The following DLGAP2 variants were observed in gnomAD, a reference collection of about 807,000 sequenced individuals.
The protein encoded by DLGAP2 is DLG associated protein 2.
In DLGAP2, 26 loss-of-function variants were observed where a neutral mutation model predicts 100.3. The observed-to-expected ratio is 0.26, with a 90% CI of 0.19 to 0.36. DLGAP2 has a LOEUF of 0.36. DLGAP2 is among the 10% of genes least tolerant of loss of function. The pLI is 1.00. For missense variants in DLGAP2, 1,858 were observed against 1,453.2 expected (o/e 1.28, Z -4.53); for synonymous variants, 886 against 630.1 (o/e 1.41, Z -6.08).
At chr8:1,666,353 C>G (rs1350527812) in intron 8 of DLGAP2, among the ~76,000 whole-genome samples, 1 of 152,210 alleles carries the variant, frequency 6.6e-6, no homozygotes, top group Non-Finnish European at 1.5e-5. Flanking sequence ...TTCAGATTCT[C>G]TTTCCAATGC....
chr8:1,017,623 GTGTGTGTGACCGGGACAGATGACA>G (rs1801502360), intron 2 of DLGAP2, among the ~76,000 whole-genome samples: 1 of 143,990 alleles, frequency 6.9e-6, no homozygotes, highest in African/African-American at 2.5e-5. Context: ...CGCCTCCACT[GTGTGTGTGACCGGGACAGATGACA>G]CCTCCACTGT....
chr8:1,164,019 G>T (rs1173560355), intron 2 of DLGAP2, among the ~76,000 whole-genome samples: 1 of 152,188 alleles, frequency 6.6e-6, no homozygotes, highest in African/African-American at 2.4e-5. Flanking sequence ...TAGACGAGAC[G>T]CTTTCCTTCA....
At chr8:1,005,710 G>A (rs558257974) in intron 2 of DLGAP2, among the ~76,000 whole-genome samples, 45 of 151,922 alleles carry the variant, frequency 3.0e-4, no homozygotes, top group South Asian at 1.5e-3. Context: ...ATGAGCCACC[G>A]CTCCTAGCCC....
In DLGAP2 at chr8:1,464,319, G is replaced by T. The variant is rs72507645; in HGVS notation, c.107-37047G>T. Among the ~76,000 whole-genome samples the T allele has an allele frequency of 3.5e-4, 16 of 45,902 alleles. 1 individual carries two copies. Among genetic ancestry groups the T allele is most frequent in the Admixed American group, 4.7e-4 (2 of 4,244 alleles). 30.1% of individuals were successfully genotyped at this position (45,902 alleles called of 152,430 possible). A position where few individuals can be genotyped will look rare whatever the true frequency, so the allele number is the denominator to read the frequency against. On this transcript the variant is annotated intron_variant, in intron 3 of 14. Transcript: ENST00000637795. The stretch of plus-strand genomic sequence containing the variant: ...CAGGATGGCACCCTTCCAGGACAAC[G>T]CCCTTCCAGGACGGCACCCTTCCAG...
Position 836,748 on chromosome 8 carries a change from G to A in DLGAP2, c.19-71164G>A, listed in dbSNP as rs540710681. ...GCCGCGTTGCTAAGGAGACGAGGGC[G>A]TTTCATGTGAACACCACGTTAACAA... On this transcript the variant is annotated intron_variant, in intron 1 of 14. Transcript: ENST00000637795. Among the ~76,000 whole-genome samples the A allele has an allele frequency of 1.1e-4, 16 of 152,294 alleles. 1 individual carries two copies. The South Asian group carries it at 3.3e-3, about 32-fold the overall frequency.
At chr8:1,565,058 A>G (rs1223404925) in intron 5 of DLGAP2, among the ~76,000 whole-genome samples, 2 of 152,252 alleles carry the variant, frequency 1.3e-5, no homozygotes, top group African/African-American at 4.8e-5. Context: ...TCAGCTCTGT[A>G]CCACCCAGAT....
chr8:1,178,567 C>G (rs1174040163), intron 2 of DLGAP2, among the ~76,000 whole-genome samples: 1 of 152,094 alleles, frequency 6.6e-6, no homozygotes, highest in Non-Finnish European at 1.5e-5. Flanking sequence ...CCTTTTTAGG[C>G]AAAGTTAGAC....
chr8:1,198,103 TGTGTAC>T (rs1021481388), intron 2 of DLGAP2, among the ~76,000 whole-genome samples: 1 of 151,702 alleles, frequency 6.6e-6, no homozygotes, highest in African/African-American at 2.4e-5. Flanking sequence ...TGTGTGTGTG[TGTGTAC>T]GTGTGTGCGT....
chr8:1,430,007 C>CATATAT (rs60682299), intron 3 of DLGAP2, among the ~76,000 whole-genome samples: 3 of 54,386 alleles, frequency 5.5e-5, no homozygotes, highest in Non-Finnish European at 1.1e-4. Context: ...CATATATATA[C>CATATAT]ATATATATAT....
chr8:1,625,187 C>T (rs770937275), intron 6 of DLGAP2, among the ~76,000 whole-genome samples: 3 of 152,180 alleles, frequency 2.0e-5, no homozygotes, highest in Non-Finnish European at 4.4e-5. Context: ...TTTTTATGTA[C>T]CTGCTTGTGC....
At chr8:948,609 G>A (rs1456533654) in intron 2 of DLGAP2, among the ~76,000 whole-genome samples, 2 of 152,260 alleles carry the variant, frequency 1.3e-5, no homozygotes, top group Non-Finnish European at 2.9e-5. Context: ...GTTCCTCAAG[G>A]CGCCGTGGAA....
At chr8:1,523,743 G>A (rs1800693335) in intron 4 of DLGAP2, among the ~76,000 whole-genome samples, 1 of 152,214 alleles carries the variant, frequency 6.6e-6, no homozygotes, top group Non-Finnish European at 1.5e-5. Flanking sequence ...CGCAGTGTCT[G>A]TGCTCCTTCG....
Position 1,548,681 on chromosome 8 carries a change from C to A in DLGAP2, c.228C>A (p.Pro76=), listed in dbSNP as rs755676719. ...TQHFNEERYS[P]APRSMKGLSG... is the part of the protein sequence containing the mutation. ...ACTTCAATGAGGAGCGCTACTCGCC[C>A]GCGCCCAGGAGCATGAAGGGCCTTT... The change falls in exon 5 of 15, where the codon CCC becomes CCA. Residue 76 remains proline (P), a synonymous_variant. Transcript: ENST00000637795. 9 of 1,601,814 alleles carry A rather than the reference C, an allele frequency of 5.6e-6. No homozygotes were observed. The African/African-American group carries it at 1.1e-4, about 19-fold the overall frequency.
chr8:1,226,285 CA>C (rs1268600366), intron 2 of DLGAP2, among the ~76,000 whole-genome samples: 1 of 152,138 alleles, frequency 6.6e-6, no homozygotes, highest in Non-Finnish European at 1.5e-5. Context: ...GAATACTATG[CA>C]GCCATGAAAA....
chr8:1,162,147 C>T (rs1796905108), intron 2 of DLGAP2, among the ~76,000 whole-genome samples: 1 of 152,228 alleles, frequency 6.6e-6, no homozygotes, highest in Admixed American at 6.5e-5. Flanking sequence ...AGGCAGGAAG[C>T]CCTCCCGGCA....
At chr8:782,828 T>C (rs1369351397) in intron 1 of DLGAP2, among the ~76,000 whole-genome samples, 1 of 152,178 alleles carries the variant, frequency 6.6e-6, no homozygotes, top group Non-Finnish European at 1.5e-5. Context: ...AGACCTCGTC[T>C]CCCTGTTGGC....
intron 2 of DLGAP2, among the ~76,000 whole-genome samples, chr8:1,205,703 G>C (rs78882099): frequency 6.6e-6 from 1 of 152,110 alleles, no homozygotes; most frequent in Non-Finnish European, 1.5e-5. Context: ...ACTGGGATTC[G>C]GACAGGTTCT....
At chr8:1,325,627 C>A (rs1054166240) in intron 3 of DLGAP2, among the ~76,000 whole-genome samples, 9 of 152,160 alleles carry the variant, frequency 5.9e-5, no homozygotes, top group Admixed American at 3.3e-4. Context: ...ACAAGCATAC[C>A]CTACAGGGCC....
chr8:993,747 A>C (rs1268919846), intron 2 of DLGAP2, among the ~76,000 whole-genome samples: 3 of 145,200 alleles, frequency 2.1e-5, no homozygotes, highest in Admixed American at 6.9e-5. Context: ...GCAGTTCTCT[A>C]GATGCAGACT....
Sources: allele counts gnomAD v4.1 joint callset (sites outside exome capture counted in the v4.1 genomes callset), GRCh38; gene constraint gnomAD v4.1.1; transcripts MANE v1.5; gene names NCBI Gene and HGNC (gene_info 2026-07-23, HGNC 2026-07-21).